SORBS2: variants seen among roughly 807,000 people sequenced by gnomAD.
The protein encoded by SORBS2 is sorbin and SH3 domain containing 2, also known as sorbin and SH3 domain-containing protein 2.
In SORBS2, 46 loss-of-function variants were observed where a neutral mutation model predicts 97.7. The ratio of observed to expected loss-of-function variants is 0.47; its 90% CI spans 0.37 to 0.60. SORBS2 has a LOEUF of 0.60. Ranked by LOEUF, SORBS2 falls within the 20% of genes least tolerant of loss-of-function variation. The probability of loss-of-function intolerance (pLI) is 0.00; values close to 1 mark genes in which losing one functional copy is unlikely to be tolerated. For synonymous variants in SORBS2, 476 were observed against 473.4 expected (o/e 1.01, Z -0.07); for missense variants, 1,316 against 1,282.3 (o/e 1.03, Z -0.40).
At chr4:185,931,551 C>T (rs2099266442) in intron 1 of SORBS2, among the ~76,000 whole-genome samples, 1 of 152,060 alleles carries the variant, frequency 6.6e-6, no homozygotes, top group African/African-American at 2.4e-5. Flanking sequence ...TATTACTAGG[C>T]TGACTCAAAA....
chr4:185,638,832 C>A (rs1287746289), intron 4 of SORBS2, 45 bp downstream of exon 14: 12 of 1,414,404 alleles, frequency 8.5e-6, no homozygotes, highest in Non-Finnish European at 1.1e-5. Context: ...GCTGCACCTG[C>A]ACCTCTGCCG....
At chr4:185,628,155 G>A (rs1163106002) in intron 5 of SORBS2, among the ~76,000 whole-genome samples, 1 of 152,118 alleles carries the variant, frequency 6.6e-6, no homozygotes, top group Non-Finnish European at 1.5e-5. Context: ...CCACCTGCTG[G>A]TTTTTGTGTG....
chr4:185,893,344 G>T (rs1445942491), intron 1 of SORBS2, among the ~76,000 whole-genome samples: 2 of 152,222 alleles, frequency 1.3e-5, no homozygotes, highest in African/African-American at 2.4e-5. Flanking sequence ...ACACCAGACA[G>T]CACCACTGCC....
chr4:185,935,887 T>C (rs2099268688), intron 1 of SORBS2, among the ~76,000 whole-genome samples: 1 of 152,226 alleles, frequency 6.6e-6, no homozygotes, highest in South Asian at 2.1e-4. Flanking sequence ...ATGGTCTCAC[T>C]GTCACCCAGG....
chr4:185,840,417 C>T (rs945219798), intron 1 of SORBS2, among the ~76,000 whole-genome samples: 1 of 152,168 alleles, frequency 6.6e-6, no homozygotes, highest in Non-Finnish European at 1.5e-5. Flanking sequence ...TGCTCCTATT[C>T]AGATGAATAA....
At chr4:185,849,479 T>TTTTG (rs2099216544) in intron 1 of SORBS2, among the ~76,000 whole-genome samples, 1 of 151,804 alleles carries the variant, frequency 6.6e-6, no homozygotes, top group African/African-American at 2.4e-5. Flanking sequence ...CTGCCATTTT[T>TTTTG]TTTTTTTTGA....
At chr4:185,595,009 C>T (rs2096052784) in intron 12 of SORBS2, among the ~76,000 whole-genome samples, 1 of 152,156 alleles carries the variant, frequency 6.6e-6, no homozygotes, top group African/African-American at 2.4e-5. Flanking sequence ...AGGCTGAAAT[C>T]TCTTGCTGCC....
At chr4:185,795,480 G>A (rs2099100497) in intron 1 of SORBS2, among the ~76,000 whole-genome samples, 1 of 152,062 alleles carries the variant, frequency 6.6e-6, no homozygotes, top group African/African-American at 2.4e-5. Flanking sequence ...AGGTCTACAT[G>A]GCAACCACGG....
intron 2 of SORBS2, among the ~76,000 whole-genome samples, chr4:185,682,902 T>C (rs28597952): frequency 0.1 from 15,097 of 151,014 alleles, 816 homozygotes; most frequent in Middle Eastern, 0.14. Context: ...TAATCGCAGC[T>C]ACTCAGGAGC....
chr4:185,604,540 G>A (rs972774409), intron 12 of SORBS2, among the ~76,000 whole-genome samples: 1 of 152,162 alleles, frequency 6.6e-6, no homozygotes, highest in Non-Finnish European at 1.5e-5. Context: ...CTTAAATATC[G>A]AGGAAAGACG....
rs184784546 is a variant in SORBS2 at position 185,721,245 on chromosome 4, T to G, written c.-197-42423A>C. On this transcript the variant is annotated intron_variant, in intron 2 of 20. Transcript: ENST00000284776. ...GCCTGCCACCACGCCCAGATAATTTTTGTATTTTTAGTAGAAACGGGGTTT... is the reference window on the plus strand; with the variant it reads ...GCCTGCCACCACGCCCAGATAATTTGTGTATTTTTAGTAGAAACGGGGTTT... Among the ~76,000 whole-genome samples the G allele has an allele frequency of 1.1e-3, 175 of 152,194 alleles. 5 individuals carry two copies. The East Asian group carries it at 0.023, about 20-fold the overall frequency.
intron 1 of SORBS2, among the ~76,000 whole-genome samples, chr4:185,886,554 CAAAAA>C (rs1198439527): frequency 1.4e-5 from 1 of 72,950 alleles, no homozygotes; most frequent in Non-Finnish European, 2.6e-5. Flanking sequence ...GACTCTGTCT[CAAAAA>C]AAAAAAAAAA....
chr4:185,657,251 A>G (rs898138770), upstream of SORBS2: 1 of 520,192 alleles, frequency 1.9e-6, no homozygotes, highest in Admixed American at 4.3e-5. Flanking sequence ...ATTCTCTCCC[A>G]TCAACAGCTT....
chr4:185,715,646 T>A (rs374967700), intron 2 of SORBS2, among the ~76,000 whole-genome samples: 1 of 152,192 alleles, frequency 6.6e-6, no homozygotes, highest in East Asian at 1.9e-4. Context: ...AAGTACTTTA[T>A]GTAGCGAGTA....
chr4:185,707,586 T>C (rs1256431180), intron 2 of SORBS2, among the ~76,000 whole-genome samples: 1 of 152,158 alleles, frequency 6.6e-6, no homozygotes, highest in African/African-American at 2.4e-5. Context: ...TTGATGCTTG[T>C]TCTCACAATT....
chr4:185,894,112 A>AAGC lies in SORBS2; in HGVS notation c.-338+62081_-338+62083dup, dbSNP rs988060551. Among the ~76,000 whole-genome samples, 20 of 152,206 alleles carry AAGC rather than the reference A, an allele frequency of 1.3e-4. 1 individual carries two copies. The highest frequency in any genetic ancestry group is 9.8e-4 in the Admixed American group (15 of 15,266). On this transcript the variant is annotated intron_variant, in intron 1 of 20. Coordinates refer to the SORBS2 transcript ENST00000284776. ...ATACCGATCTCGAAATATGCCAAAG[A>AAGC]AGCATATTTTAGGGTAAAATATTCC... is the stretch of plus-strand genomic sequence containing the variant.
At chr4:185,742,160 G>T (rs991366905) in intron 2 of SORBS2, among the ~76,000 whole-genome samples, 1 of 152,222 alleles carries the variant, frequency 6.6e-6, no homozygotes, top group East Asian at 1.9e-4. Flanking sequence ...ACACAGTTTG[G>T]GGGTAGTGTT....
chr4:185,745,327 T>C (rs1038719708), intron 2 of SORBS2, among the ~76,000 whole-genome samples: 3 of 152,130 alleles, frequency 2.0e-5, no homozygotes, highest in Middle Eastern at 3.2e-3. Context: ...ACCTCCCAGA[T>C]TCTCCCGCAA....
At chr4:185,862,967 G>A (rs62334981) in intron 1 of SORBS2, among the ~76,000 whole-genome samples, 13,606 of 152,218 alleles carry the variant, frequency 0.089, 717 homozygotes, top group Non-Finnish European at 0.12. Flanking sequence ...ACCTGCTCAC[G>A]GGTCTAGTGC....
Sources: allele counts gnomAD v4.1 joint callset (sites outside exome capture counted in the v4.1 genomes callset), GRCh38; gene constraint gnomAD v4.1.1; transcripts MANE v1.5; gene names NCBI Gene and HGNC (gene_info 2026-07-23, HGNC 2026-07-21).